The following KLF15 variants were observed in gnomAD, a reference collection of about 807,000 sequenced individuals.
KLF15 encodes KLF transcription factor 15.
In KLF15, 4 loss-of-function variants were observed where a neutral mutation model predicts 24.6. The ratio of observed to expected loss-of-function variants is 0.16; its 90% CI spans 0.08 to 0.37. KLF15 has a LOEUF of 0.37. KLF15 is among the 10% of genes least tolerant of loss of function. The pLI is 1.00. For missense variants in KLF15, 496 were observed against 560.6 expected, an observed-to-expected ratio of 0.88 and a Z score of 1.16; for synonymous variants, 246 against 236.3, an observed-to-expected ratio of 1.04 and a Z score of -0.37.
At chr3:126,320,450 T>C in the KLF15 span, among the ~76,000 whole-genome samples, 2 of 152,236 alleles carry the variant, frequency 1.3e-5, no homozygotes, top group African/African-American at 4.8e-5. Flanking sequence ...TGCAAACTCA[T>C]GTGTATCTGT....
chr3:126,328,772 TG>T, the KLF15 span, among the ~76,000 whole-genome samples: 2 of 152,246 alleles, frequency 1.3e-5, no homozygotes, highest in African/African-American at 4.8e-5. Context: ...CAGGATATAT[TG>T]TTTTTTTATT....
the KLF15 span, among the ~76,000 whole-genome samples, chr3:126,314,689 C>T: frequency 3.3e-5 from 5 of 152,338 alleles, no homozygotes; most frequent in Admixed American, 2.0e-4. Context: ...GAATACTGGG[C>T]TCCACCTGGG....
intron 2 of KLF15, among the ~76,000 whole-genome samples, chr3:126,345,739 TGG>T (rs946984957): frequency 5.3e-5 from 8 of 151,778 alleles, no homozygotes; most frequent in African/African-American, 1.9e-4. Flanking sequence ...CCTGACCCTG[TGG>T]GTGGAAGAGC....
chr3:126,332,000 G>A, the KLF15 span, among the ~76,000 whole-genome samples: 9 of 152,262 alleles, frequency 5.9e-5, no homozygotes, highest in East Asian at 7.7e-4. Context: ...GGGGAGGGGC[G>A]CCCGCCATTG....
At chr3:126,313,371 T>A in the KLF15 span, among the ~76,000 whole-genome samples, 1 of 152,186 alleles carries the variant, frequency 6.6e-6, no homozygotes, top group Non-Finnish European at 1.5e-5. Flanking sequence ...TTACGCAGCC[T>A]CAGCTGACTC....
intron 1 of KLF15, among the ~76,000 whole-genome samples, chr3:126,353,331 T>G (rs1018692048): frequency 6.6e-6 from 1 of 152,142 alleles, no homozygotes; most frequent in African/African-American, 2.4e-5. Context: ...GTCAACATCA[T>G]AGGAGTCACT....
chr3:126,352,849 C>A lies in KLF15; in HGVS notation c.74G>T (p.Arg25Met). 6.2e-7 allele frequency: 1 copy of A among 1,612,262 alleles called. No individual in the cohort carries two copies. Among genetic ancestry groups the A allele is most frequent in the Non-Finnish European group, 8.5e-7 (1 of 1,179,696 alleles). The change falls in exon 2 of 3, where the codon AGG becomes ATG. Residue 25 changes from arginine (R) to methionine (M), a missense_variant. Coordinates refer to ENST00000296233, the MANE Select transcript of KLF15 (RefSeq NM_014079.4). ...GTGATATGCCCGCCGGCCAACCAGC[C>A]TATCACCCAGATACCCAACTGGGCA... is the stretch of plus-strand genomic sequence containing the variant. Reference protein sequence around the residue: ...PKCPVGYLGDRLVGRRAYHML... With the variant: ...PKCPVGYLGDMLVGRRAYHML...
At chr3:126,314,685 T>G in the KLF15 span, among the ~76,000 whole-genome samples, 2 of 152,182 alleles carry the variant, frequency 1.3e-5, no homozygotes, top group African/African-American at 4.8e-5. Flanking sequence ...AAACGAATAC[T>G]GGGCTCCACC....
chr3:126,315,560 G>T, the KLF15 span, among the ~76,000 whole-genome samples: 2 of 152,114 alleles, frequency 1.3e-5, no homozygotes, highest in Non-Finnish European at 2.9e-5. Flanking sequence ...AGTCAGGGGG[G>T]ACAGGAGGAG....
chr3:126,345,361 C>G (rs1022386726), intron 2 of KLF15, among the ~76,000 whole-genome samples: 12 of 151,920 alleles, frequency 7.9e-5, no homozygotes, highest in African/African-American at 2.9e-4. Context: ...CCATGACCAG[C>G]CCAATGCCTG....
chr3:126,312,448 T>C, the KLF15 span, among the ~76,000 whole-genome samples: 5 of 152,176 alleles, frequency 3.3e-5, no homozygotes, highest in Admixed American at 3.3e-4. Context: ...GCGCTGGGAC[T>C]ACAAGCATGA....
At chr3:126,297,671 C>T in the KLF15 span, among the ~76,000 whole-genome samples, 1 of 152,046 alleles carries the variant, frequency 6.6e-6, no homozygotes, top group South Asian at 2.1e-4. Flanking sequence ...TAGCTTAGCT[C>T]CCCCTTATAA....
chr3:126,338,380 G>T (rs189849661), downstream of KLF15, among the ~76,000 whole-genome samples: 1 of 152,340 alleles, frequency 6.6e-6, no homozygotes, highest in African/African-American at 2.4e-5. Context: ...TGTGGAAACA[G>T]ACAGGTGTCC....
At chr3:126,333,364 C>G in the KLF15 span, among the ~76,000 whole-genome samples, 2 of 149,246 alleles carry the variant, frequency 1.3e-5, no homozygotes, top group Non-Finnish European at 3.0e-5. Flanking sequence ...CACAGACAAG[C>G]AAATGCTGAG....
chr3:126,322,105 C>T, the KLF15 span, among the ~76,000 whole-genome samples: 4 of 152,182 alleles, frequency 2.6e-5, no homozygotes, highest in Non-Finnish European at 5.9e-5. Flanking sequence ...TTCCCAGTTA[C>T]AAAAGCTGAG....
the KLF15 span, among the ~76,000 whole-genome samples, chr3:126,302,462 A>G: frequency 6.6e-6 from 1 of 152,126 alleles, no homozygotes; most frequent in South Asian, 2.1e-4. Flanking sequence ...TTTATCAGTT[A>G]TCAATTATTG....
the KLF15 span, among the ~76,000 whole-genome samples, chr3:126,330,003 C>T: frequency 0.02 from 3,019 of 152,264 alleles, 97 homozygotes; most frequent in African/African-American, 0.068. Flanking sequence ...TGTATGTTCT[C>T]ACTGGGCTTG....
At chr3:126,324,806 C>CTTTTTTTTTT in the KLF15 span, among the ~76,000 whole-genome samples, 13 of 59,582 alleles carry the variant, frequency 2.2e-4, no homozygotes, top group African/African-American at 2.9e-4. Flanking sequence ...TTTTTTCGCT[C>CTTTTTTTTTT]TTTTTTTTTT....
the KLF15 span, among the ~76,000 whole-genome samples, chr3:126,295,075 GA>G: frequency 6.6e-6 from 1 of 152,066 alleles, no homozygotes; most frequent in Non-Finnish European, 1.5e-5. Context: ...CATGCATATA[GA>G]TACACATAGA....
Sources: gnomAD v4.1 joint callset for allele counts (sites outside exome capture counted in the v4.1 genomes callset) on GRCh38, gnomAD v4.1.1 for gene constraint, MANE v1.5 for transcripts, NCBI Gene and HGNC (gene_info 2026-07-23, HGNC 2026-07-21) for gene names.